Variants in UBR4 observed in about 807,000 individuals in gnomAD.
UBR4 encodes E3 ubiquitin-protein ligase UBR4.
In UBR4, 124 loss-of-function variants were observed where a neutral mutation model predicts 575.6. The observed-to-expected ratio is 0.22, with a 90% confidence interval of 0.19 to 0.25. The LOEUF is 0.25. UBR4 is among the 10% of genes least tolerant of loss of function. The pLI, the probability that UBR4 is intolerant of heterozygous loss-of-function variation, is 1.00. For synonymous variants in UBR4, 2,455 were observed against 2,473.7 expected (o/e 0.99, Z 0.22); for missense variants, 4,818 against 6,478.8 (o/e 0.74, Z 8.80).
At chr1:19,188,035 T>C (rs1249360119) in intron 11 of UBR4, among the ~76,000 whole-genome samples, 1 of 143,474 alleles carries the variant, frequency 7.0e-6, no homozygotes, top group Admixed American at 6.9e-5. Context: ...AAAAATTAAA[T>C]AAATAAATAA....
At chr1:19,147,690 C>T (rs930060490) in intron 51 of UBR4, among the ~76,000 whole-genome samples, 1 of 152,182 alleles carries the variant, frequency 6.6e-6, no homozygotes, top group Admixed American at 6.5e-5. Flanking sequence ...GACTCCCTCA[C>T]CTCACCCTTT....
At position 19,210,179 on chromosome 1, in the gene UBR4, C is replaced by G. The variant is rs754386099; in HGVS notation, c.70G>C (p.Asp24His). The part of the protein sequence containing the change: ...PAPGTPATGA[D>H]TTPGWEVAVR... ...GCCACCTCCCAGCCCGGGGTCGTGT[C>G]CGCCCCCGTTGCCGGGGTCCCCGGC... The change falls in exon 1 of 106, where the codon GAC becomes CAC. Residue 24 changes from aspartate to histidine, a missense_variant. By Grantham distance (81) the Asp-to-His change is moderately conservative. Coordinates refer to ENST00000375254, the MANE Select transcript of UBR4 (RefSeq NM_020765.3). 338 of 1,510,318 alleles carry G rather than the reference C, an allele frequency of 2.2e-4. No individual in the cohort carries two copies. Among genetic ancestry groups the G allele is most frequent in the Non-Finnish European group, 2.9e-4 (329 of 1,135,682 alleles). 93.6% of individuals were successfully genotyped at this position (1,510,318 alleles called of 1,614,324 possible).
intron 39 of UBR4, among the ~76,000 whole-genome samples, chr1:19,159,274 G>T (rs1269185120): frequency 1.3e-5 from 2 of 152,074 alleles, no homozygotes; most frequent in Admixed American, 1.3e-4. Flanking sequence ...GGCCAGGAAG[G>T]CCACATCAGA....
intron 70 of UBR4, 25 bp from the exon 71 acceptor site, chr1:19,118,982 C>G (rs374520082): frequency 5.2e-5 from 84 of 1,609,926 alleles, no homozygotes; most frequent in Non-Finnish European, 7.1e-5. Context: ...AGTAAAGAAA[C>G]AACTTAAAGC....
In UBR4 at chr1:19,197,994, G is replaced by A; in HGVS notation, c.704C>T (p.Thr235Ile). The change falls in exon 6 of 106, where the codon ACC becomes ATC. Residue 235 changes from threonine to isoleucine, a missense_variant. Thr to Ile is a moderately conservative substitution (Grantham distance 89). This residue lies in a region of UBR4 where 83 missense variants were observed against 77.3 expected (regional missense o/e 1.07). Coordinates refer to ENST00000375254, the MANE Select transcript of UBR4 (RefSeq NM_020765.3). ...SSTDQASAIKTKNVFIAQNVA... is the reference protein window; with the variant it reads ...SSTDQASAIKIKNVFIAQNVA... ...GTTCTGAGCTATGAACACATTCTTG[G>A]TTTTGATAGCTGAGGCTTGATCTGT... 1 of 1,614,128 alleles carries A rather than the reference G, an allele frequency of 6.2e-7. No homozygotes were observed. Among genetic ancestry groups the A allele is most frequent in the Non-Finnish European group, 8.5e-7 (1 of 1,180,030 alleles).
At chr1:19,095,860 A>T (rs753629318) in intron 92 of UBR4, 3 of 520,300 alleles carry the variant, frequency 5.8e-6, no homozygotes, top group Non-Finnish European at 1.0e-5. Context: ...ATGGCGGGAT[A>T]TATCTCTACC....
intron 89 of UBR4, 31 bp from the exon 90 acceptor site, chr1:19,099,708 C>G (rs1431460747): frequency 1.3e-6 from 2 of 1,585,768 alleles, no homozygotes; most frequent in East Asian, 4.5e-5. Flanking sequence ...AGCTGTTGTT[C>G]CAAATAATTG....
At chr1:19,092,418 G>C (rs1204448394) in intron 97 of UBR4, among the ~76,000 whole-genome samples, 2 of 151,750 alleles carry the variant, frequency 1.3e-5, no homozygotes, top group African/African-American at 2.4e-5. Context: ...GCCCTGTGGG[G>C]AGAAATCAGG....
intron 8 of UBR4, 118 bp downstream of exon 8, chr1:19,197,023 A>G (rs1308505559): frequency 1.6e-6 from 2 of 1,261,018 alleles, no homozygotes; most frequent in African/African-American, 3.0e-5. Context: ...ACGTTAGATG[A>G]TCCTTGAGAG....
chr1:19,145,024 A>G (rs2084648546), intron 53 of UBR4, 117 bp from the exon 54 acceptor site: 4 of 1,132,362 alleles, frequency 3.5e-6, no homozygotes, highest in Admixed American at 4.1e-5. Flanking sequence ...AAACAAAATG[A>G]CAAACACTCA....
chr1:19,190,306 A>ATAAAAAT (rs1557977553), intron 11 of UBR4, among the ~76,000 whole-genome samples: 3 of 91,974 alleles, frequency 3.3e-5, no homozygotes, highest in African/African-American at 1.3e-4. Flanking sequence ...AAAAAAAAAA[A>ATAAAAAT]AAAAAAATAT....
At chr1:19,142,192 T>C (rs756768051) in intron 55 of UBR4, among the ~76,000 whole-genome samples, 36 of 152,218 alleles carry the variant, frequency 2.4e-4, no homozygotes, top group Non-Finnish European at 2.5e-4. Flanking sequence ...TTTATTTCAC[T>C]ATTTTTTTCT....
chr1:19,166,714 C>CAAAAAAAAAAAAAAAAAAAA (rs535369262), intron 29 of UBR4, among the ~76,000 whole-genome samples: 1 of 73,710 alleles, frequency 1.4e-5, no homozygotes, highest in African/African-American at 6.6e-5. Flanking sequence ...CCATCTCTAC[C>CAAAAAAAAAAAAAAAAAAAA]AAAAAAAAAA....
chr1:19,176,341 G>A (rs566026013), intron 20 of UBR4, among the ~76,000 whole-genome samples: 3 of 145,988 alleles, frequency 2.1e-5, no homozygotes, highest in Admixed American at 6.8e-5. Context: ...TGATCTGCCC[G>A]CCTCTGCCTC....
chr1:19,142,745 T>C (rs1294739137), intron 55 of UBR4, among the ~76,000 whole-genome samples: 1 of 152,324 alleles, frequency 6.6e-6, no homozygotes, highest in Non-Finnish European at 1.5e-5. Context: ...ATTGACAAGA[T>C]GTAGATATAA....
At position 19,156,787 on chromosome 1, in the gene UBR4, A is replaced by G; in HGVS notation, c.5899T>C (p.Leu1967=). The change falls in exon 41 of 106, where the codon TTG becomes CTG. Residue 1967 remains leucine, a synonymous_variant. Transcript: ENST00000375254. ...LTGNPCKEDY[L]AVCGLKDCHV... ...TTTACCTTTAGCCCACAAACCGCCA[A>G]GTAGTCTTCCTTGCAGGGATTTCCT... 1 of 1,613,948 alleles carries G rather than the reference A, an allele frequency of 6.2e-7. No homozygotes were observed. Among genetic ancestry groups the G allele is most frequent in the Non-Finnish European group, 8.5e-7 (1 of 1,179,858 alleles).
rs142562129 is a variant in UBR4, at chr1:19,182,671, G to A, written c.2184+1140C>T. On this transcript the variant is annotated intron_variant, in intron 17 of 105. Transcript: ENST00000375254. ...TAACAGCCACCTAATGCGTGTAAGC[G>A]AAGTGGTATCTCATTGTGGTTTTGA... Among the ~76,000 whole-genome samples the A allele has an allele frequency of 8.8e-4, 134 of 152,242 alleles. 1 individual carries two copies. The East Asian group carries it at 0.021, about 24-fold the overall frequency.
In UBR4 at chr1:19,110,090, C is replaced by T; in HGVS notation, c.12105+6G>A. ...TTCCTTGTTAGACCCCTGCTTGGCCCAGTACCTTGTTCTTCTTGCTAGTGG... is the reference window on the plus strand; with the variant it reads ...TTCCTTGTTAGACCCCTGCTTGGCCTAGTACCTTGTTCTTCTTGCTAGTGG... On this transcript the variant is annotated splice_donor_region_variant and intron_variant, in intron 81 of 105. Transcript: ENST00000375254. This position sits in a 1 kb window ranked among gnomAD's most constrained non-coding sequence, Gnocchi z 4.5. 6.2e-7 allele frequency: 1 copy of T among 1,614,000 alleles called. No homozygotes were observed. Among genetic ancestry groups the T allele is most frequent in the Non-Finnish European group, 8.5e-7 (1 of 1,180,014 alleles).
chr1:19,101,554 A>C lies in UBR4; in HGVS notation c.12989T>G (p.Phe4330Cys), dbSNP rs1282927944. The C allele has an allele frequency of 6.2e-7, 1 of 1,613,800 alleles. No homozygotes were observed. Among genetic ancestry groups the C allele is most frequent in the Non-Finnish European group, 8.5e-7 (1 of 1,179,816 alleles). The change falls in exon 88 of 106, where the codon TTC (phenylalanine) becomes TGC (cysteine). Residue 4330 changes from phenylalanine to cysteine, a missense_variant. Physicochemically the swap from Phe to Cys is radical, Grantham distance 205. Transcript: ENST00000375254. ...GATGCTGCAGAGCCTCTCGAAGATG[A>C]ACACCGGGGTCCGGTAGTCATCCAG... ...YNLDDYRTPVFIFERLCSIIY... is the reference protein window; with the variant it reads ...YNLDDYRTPVCIFERLCSIIY...
Sources: gnomAD v4.1 joint callset for allele counts (sites outside exome capture counted in the v4.1 genomes callset) on GRCh38, gnomAD v4.1.1 for gene constraint, gnomAD v4.1.1 regional missense constraint, Gnocchi (gnomAD v3.1) non-coding constraint, MANE v1.5 for transcripts, NCBI Gene and HGNC (gene_info 2026-07-23, HGNC 2026-07-21) for gene names.